The following CYP7B1 variants were observed in gnomAD, a reference collection of about 807,000 sequenced individuals.
CYP7B1 encodes the protein cytochrome P450 family 7 subfamily B member 1.
A neutral mutation model predicts 42.7 loss-of-function variants in CYP7B1; 29 were observed. The observed-to-expected ratio is 0.68, with a 90% confidence interval of 0.51 to 0.93. The LOEUF is 0.93. Ranked by LOEUF, CYP7B1 falls within the 40% of genes least tolerant of loss-of-function variation. The probability of loss-of-function intolerance (pLI) is 0.00; values close to 1 mark genes in which losing one functional copy is unlikely to be tolerated. For missense variants in CYP7B1, 655 were observed against 600.5 expected (o/e 1.09, Z -0.95); for synonymous variants, 235 against 218.2 (o/e 1.08, Z -0.68).
Position 64,596,395 on chromosome 8 carries a change from A to G in CYP7B1, c.*247T>C, listed in dbSNP as rs535061418. ...ATCACAACAAGGAGAAACTAAAAAA[A>G]CAACAACAACCCTGTTTTGAGCCTA... is the stretch of plus-strand genomic sequence containing the variant. On this transcript the variant is annotated 3_prime_UTR_variant, in exon 6 of 6. Transcript: ENST00000310193. 7.9e-6 allele frequency: 3 copies of G among 381,484 alleles called. No homozygotes were observed. In the Admixed American group the frequency reaches 1.2e-4, roughly 16 times the overall value. 23.6% of individuals were successfully genotyped at this position (381,484 alleles called of 1,614,324 possible). A position where few individuals can be genotyped will look rare whatever the true frequency, so the allele number is the denominator to read the frequency against.
chr8:64,673,963 CATA>C (rs1563385718), intron 1 of CYP7B1, among the ~76,000 whole-genome samples: 1 of 152,054 alleles, frequency 6.6e-6, no homozygotes, highest in African/African-American at 2.4e-5. Context: ...TCAAAAACAG[CATA>C]AAATATCTGG....
chr8:64,604,265 C>G (rs757642396), intron 5 of CYP7B1, among the ~76,000 whole-genome samples: 2 of 152,192 alleles, frequency 1.3e-5, no homozygotes, highest in African/African-American at 2.4e-5. Context: ...TACTATTTGA[C>G]TTTGGAACAG....
downstream of CYP7B1, among the ~76,000 whole-genome samples, chr8:64,587,010 T>C (rs1312432263): frequency 6.6e-6 from 1 of 152,210 alleles, no homozygotes; most frequent in Admixed American, 6.5e-5. Flanking sequence ...GGTGAGAGTC[T>C]TTTTTGCCCG....
chr8:64,671,070 T>A lies in CYP7B1; in HGVS notation c.123-46531A>T, dbSNP rs79789498. Among the ~76,000 whole-genome samples the A allele has an allele frequency of 3.1e-4, 47 of 152,256 alleles. 1 individual carries two copies. The East Asian group carries it at 8.1e-3, about 26-fold the overall frequency. Reference sequence around the variant, plus strand: ...GTTATTGAATAACAACTATATTCAATTTATGTAAATGCCTCCCCCCCATGT... The same window carrying A: ...GTTATTGAATAACAACTATATTCAAATTATGTAAATGCCTCCCCCCCATGT... On this transcript the variant is annotated intron_variant, in intron 1 of 5. Coordinates refer to ENST00000310193, the MANE Select transcript of CYP7B1 (RefSeq NM_004820.5).
At chr8:64,633,860 A>C (rs1805732533) in intron 1 of CYP7B1, among the ~76,000 whole-genome samples, 1 of 152,240 alleles carries the variant, frequency 6.6e-6, no homozygotes, top group Non-Finnish European at 1.5e-5. Flanking sequence ...CTTAATATAA[A>C]ACCATAAGAA....
At chr8:64,785,386 TC>T (rs1320885266) in intron 1 of CYP7B1, among the ~76,000 whole-genome samples, 18 of 152,186 alleles carry the variant, frequency 1.2e-4, no homozygotes, top group African/African-American at 4.1e-4. Context: ...AAAACTGAAG[TC>T]CACATAACAT....
At chr8:64,689,620 A>T (rs930531692) in intron 1 of CYP7B1, among the ~76,000 whole-genome samples, 4 of 151,850 alleles carry the variant, frequency 2.6e-5, no homozygotes, top group African/African-American at 9.7e-5. Flanking sequence ...GACTGGAGTG[A>T]AGTGGCACAA....
intron 1 of CYP7B1, among the ~76,000 whole-genome samples, chr8:64,721,671 C>T (rs910112927): frequency 2.0e-5 from 3 of 152,028 alleles, no homozygotes; most frequent in African/African-American, 7.2e-5. Context: ...TACAGCCATC[C>T]TGGATTCTAT....
At chr8:64,674,739 A>G (rs547328303) in intron 1 of CYP7B1, among the ~76,000 whole-genome samples, 2 of 152,262 alleles carry the variant, frequency 1.3e-5, no homozygotes, top group South Asian at 4.1e-4. Context: ...ATGAAAATTC[A>G]TGTATATACC....
At chr8:64,664,441 C>T (rs1806245214) in intron 1 of CYP7B1, among the ~76,000 whole-genome samples, 1 of 152,184 alleles carries the variant, frequency 6.6e-6, no homozygotes, top group Admixed American at 6.5e-5. Flanking sequence ...TACAGCCACC[C>T]TCTGAAACAG....
rs999824528 is a variant in CYP7B1 at position 64,660,192 on chromosome 8, C to A, written c.123-35653G>T. Among the ~76,000 whole-genome samples, 15 of 152,252 alleles carry A rather than the reference C, an allele frequency of 9.9e-5. 1 individual carries two copies. Among genetic ancestry groups the A allele is most frequent in the Admixed American group, 9.2e-4 (14 of 15,286 alleles). On this transcript the variant is annotated intron_variant, in intron 1 of 5. Coordinates refer to ENST00000310193, the MANE Select transcript of CYP7B1 (RefSeq NM_004820.5). ...AGGTTCACAAAAGTTAAATAACTTG[C>A]CCATGGCTACTTAACTAAAACATGG...
chr8:64,705,430 T>A (rs937941655), intron 1 of CYP7B1, among the ~76,000 whole-genome samples: 1 of 151,896 alleles, frequency 6.6e-6, no homozygotes, highest in Non-Finnish European at 1.5e-5. Context: ...AATGACTGAA[T>A]CAATGAGTGA....
At chr8:64,652,580 C>T (rs1806055703) in intron 1 of CYP7B1, among the ~76,000 whole-genome samples, 1 of 152,176 alleles carries the variant, frequency 6.6e-6, no homozygotes, top group South Asian at 2.1e-4. Context: ...CGCAGTGGCT[C>T]ACGCCTGTAA....
intron 1 of CYP7B1, among the ~76,000 whole-genome samples, chr8:64,797,645 T>C (rs978515833): frequency 1.3e-5 from 2 of 152,068 alleles, no homozygotes; most frequent in Non-Finnish European, 2.9e-5. Context: ...CACACACACA[T>C]AGATATCTAT....
chr8:64,625,951 TTAAGTCTAC>T (rs1311462179), intron 1 of CYP7B1, among the ~76,000 whole-genome samples: 1 of 152,184 alleles, frequency 6.6e-6, no homozygotes, highest in East Asian at 1.9e-4. Flanking sequence ...TTTAAGCCAC[TTAAGTCTAC>T]TTAACATAGT....
intron 1 of CYP7B1, among the ~76,000 whole-genome samples, chr8:64,632,771 A>T (rs962703390): frequency 3.3e-5 from 5 of 152,132 alleles, no homozygotes; most frequent in Non-Finnish European, 7.4e-5. Context: ...CTTTCCCATT[A>T]AGATCAGAAA....
intron 1 of CYP7B1, among the ~76,000 whole-genome samples, chr8:64,695,006 G>A (rs982313874): frequency 1.3e-5 from 2 of 152,104 alleles, no homozygotes; most frequent in African/African-American, 4.8e-5. Context: ...TAATGCATAA[G>A]ATAAGACATT....
At chr8:64,626,044 T>C (rs1257518573) in intron 1 of CYP7B1, among the ~76,000 whole-genome samples, 2 of 152,176 alleles carry the variant, frequency 1.3e-5, no homozygotes, top group African/African-American at 4.8e-5. Context: ...CTGAATTGAT[T>C]TATCACCGAG....
chr8:64,740,371 T>G (rs75873888), intron 1 of CYP7B1, among the ~76,000 whole-genome samples: 6,142 of 151,990 alleles, frequency 0.04, 412 homozygotes, highest in African/African-American at 0.14. Flanking sequence ...ACATATTATG[T>G]TTATGATATA....
Sources: allele counts gnomAD v4.1 joint callset (sites outside exome capture counted in the v4.1 genomes callset), GRCh38; gene constraint gnomAD v4.1.1; transcripts MANE v1.5; gene names NCBI Gene and HGNC (gene_info 2026-07-23, HGNC 2026-07-21).